Variants in PHOX2B observed in about 807,000 individuals in gnomAD.
PHOX2B encodes the protein paired like homeobox 2B.
Under a neutral mutation model 15.5 loss-of-function variants are expected in PHOX2B, and 1 was observed. The observed-to-expected ratio is 0.06, with a 90% CI of 0.02 to 0.31. The LOEUF is 0.31. Ranked by LOEUF, PHOX2B falls within the 10% of genes least tolerant of loss-of-function variation. The pLI is 1.00. For synonymous variants in PHOX2B, 206 were observed against 190.5 expected (o/e 1.08, Z -0.67); for missense variants, 314 against 436.4 (o/e 0.72, Z 2.50).
chr4:41,746,418 G>C, intron 2 of PHOX2B, 96 bp from the exon 3 acceptor site: 1 of 1,297,504 alleles, frequency 7.7e-7, no homozygotes, highest in Non-Finnish European at 1.1e-6. Flanking sequence ...TTCTACTTCG[G>C]CTTGTTTTAA....
In PHOX2B at chr4:41,746,011, G is replaced by GGCC. The variant is rs1733881439; in HGVS notation, c.738_740dup (p.Ala260dup). 1.5e-5 allele frequency: 17 copies of GGCC among 1,119,710 alleles called. No individual in the cohort carries two copies. Among genetic ancestry groups the GGCC allele is most frequent in the Non-Finnish European group, 1.9e-5 (17 of 916,540 alleles). The allele number at this position is 1,119,710 out of a possible 1,614,324, so 69.4% of individuals were successfully genotyped here. A position where few individuals can be genotyped will look rare whatever the true frequency, so the allele number is the denominator to read the frequency against. ...CCGCTGCCGCCGCCGCCGCTGCCGC[G>GGCC]GCCGCCGCCGCTGCTGCTGCGCCGC... is the stretch of plus-strand genomic sequence containing the variant. On this transcript the variant is annotated inframe_insertion, in exon 3 of 3. Coordinates refer to ENST00000226382, the MANE Select transcript of PHOX2B (RefSeq NM_003924.4).
rs764460184 is a variant in PHOX2B at position 41,747,696 on chromosome 4, A to C, written c.242-160T>G. On this transcript the variant is annotated intron_variant, in intron 1 of 2. Transcript: ENST00000226382. ...AGAAGCTGCGGGAAGAAACCGAGGA[A>C]ATTTGTTATCTGCGGAAACCTGGGC... is the stretch of plus-strand genomic sequence containing the variant. 75 of 721,338 alleles carry C rather than the reference A, an allele frequency of 1.0e-4. 2 individuals are homozygous for C. The South Asian group carries it at 1.1e-3, about 10-fold the overall frequency. 44.7% of individuals were successfully genotyped at this position (721,338 alleles called of 1,614,324 possible). A position where few individuals can be genotyped will look rare whatever the true frequency, so the allele number is the denominator to read the frequency against.
rs909684800 is a variant in PHOX2B at position 41,744,580 on chromosome 4, G to C, written c.*1227C>G. ...AAAACAACAACAAAGAATCAAAACA[G>C]AGATGTCTAAACTGCGCGAAGAATG... On this transcript the variant is annotated 3_prime_UTR_variant, in exon 3 of 3. Transcript: ENST00000226382. 5 of 233,442 alleles carry C rather than the reference G, an allele frequency of 2.1e-5. No individual in the cohort carries two copies. Among genetic ancestry groups the C allele is most frequent in the African/African-American group, 4.4e-5 (2 of 45,326 alleles). The allele number at this position is 233,442 out of a possible 1,614,324, so 14.5% of individuals were successfully genotyped here. A position where few individuals can be genotyped will look rare whatever the true frequency, so the allele number is the denominator to read the frequency against.
rs746684161 is a variant in PHOX2B, at chr4:41,746,091, C to T, written c.661G>A (p.Ala221Thr). Residue 221 changes from alanine (A) to threonine (T), a missense_variant, in exon 3 of 3, where the codon GCT (alanine) becomes ACT (threonine). By Grantham distance (58) the Ala-to-Thr change is moderately conservative. Coordinates refer to ENST00000226382, the MANE Select transcript of PHOX2B (RefSeq NM_003924.4). The stretch of plus-strand genomic sequence containing the variant: ...GGCCCCGCCGCCCCCGGAGCTCCAG[C>T]CGGGCTGGGCCCGCCGCCGCCGCCT... ...NGGGGGGPSPAGAPGAAGPGG... is the reference protein window; with the variant it reads ...NGGGGGGPSPTGAPGAAGPGG... 3.9e-6 allele frequency: 6 copies of T among 1,537,464 alleles called. No homozygotes were observed. The highest frequency in any genetic ancestry group is 1.4e-5 in the African/African-American group (1 of 70,296).
Position 41,748,663 on chromosome 4 carries a change from T to C in PHOX2B, c.-53A>G. 6.3e-7 allele frequency: 1 copy of C among 1,582,160 alleles called. No homozygotes were observed. Among genetic ancestry groups the C allele is most frequent in the Non-Finnish European group, 8.7e-7 (1 of 1,154,146 alleles). On this transcript the variant is annotated 5_prime_UTR_variant, in exon 1 of 3. It adds an upstream start codon to the 5' untranslated region. Transcript: ENST00000226382. ...GTGGAAAAATGAAATAAAAGATGGA[T>C]ATGGAGAAGGTGGCTGGAGTGGGGA... is the stretch of plus-strand genomic sequence containing the variant.
rs553814892 is a variant in PHOX2B at position 41,745,027 on chromosome 4, G to T, written c.*780C>A. The T allele has an allele frequency of 1.2e-3, 279 of 233,180 alleles. 3 individuals are homozygous for T. Among genetic ancestry groups the T allele is most frequent in the African/African-American group, 5.6e-3 (256 of 45,424 alleles). The allele number at this position is 233,180 out of a possible 1,614,324, so 14.4% of individuals were successfully genotyped here. A position where few individuals can be genotyped will look rare whatever the true frequency, so the allele number is the denominator to read the frequency against. On this transcript the variant is annotated 3_prime_UTR_variant, in exon 3 of 3. Transcript: ENST00000226382. This position sits in a 1 kb window ranked among gnomAD's most constrained non-coding sequence, Gnocchi z 4.0. ...GTTCAGCGAGGTGGGACAGGCAAGGGGGTGCGAGAAAGTCACTCCGGCCGC... is the reference window on the plus strand; with the variant it reads ...GTTCAGCGAGGTGGGACAGGCAAGGTGGTGCGAGAAAGTCACTCCGGCCGC...
At position 41,747,406 on chromosome 4, in the gene PHOX2B, G is replaced by A. The variant is rs1306847753; in HGVS notation, c.372C>T (p.Asp124=). 2 of 1,476,820 alleles carry A rather than the reference G, an allele frequency of 1.4e-6. No individual in the cohort carries two copies. The highest frequency in any genetic ancestry group is 1.8e-6 in the Non-Finnish European group (2 of 1,111,344). 91.5% of individuals were successfully genotyped at this position (1,476,820 alleles called of 1,614,324 possible). ...GGGCCAGCTCCTCCCGAGTGTAGAT[G>A]TCGGGGTAGTGAGTCTCCGCGAAGA... ...ERVFAETHYP[D]IYTREELALK... The change falls in exon 2 of 3, where the codon GAC becomes GAT. Residue 124 remains aspartate (D), a synonymous_variant. Coordinates refer to ENST00000226382, the MANE Select transcript of PHOX2B (RefSeq NM_003924.4).
intron 1 of PHOX2B, 188 bp downstream of exon 1, chr4:41,748,182 G>A: frequency 1.5e-6 from 1 of 648,232 alleles, no homozygotes; most frequent in South Asian, 1.9e-5. Context: ...GTGTGACTAG[G>A]ATAGTGTAAC....
rs772835924 is a variant in PHOX2B at position 41,745,981 on chromosome 4, C to A, written c.771G>T (p.Ala257=). The part of the protein sequence containing the change: ...AAAAAAAAAA[A]AAAGGLAAAG... ...CCGCAGCCAGGCCTCCAGCTGCCGC[C>A]GCTGCCGCTGCCGCCGCCGCCGCTG... The change falls in exon 3 of 3, where the codon GCG becomes GCT. Residue 257 remains alanine, a synonymous_variant. Transcript: ENST00000226382. The surrounding 1 kb of genome is among the most constrained non-coding windows in gnomAD (Gnocchi z 4.0). 1 of 1,257,360 alleles carries A rather than the reference C, an allele frequency of 8.0e-7. No homozygotes were observed. Among genetic ancestry groups the A allele is most frequent in the Non-Finnish European group, 1.0e-6 (1 of 1,004,194 alleles). The allele number at this position is 1,257,360 out of a possible 1,614,324, so 77.9% of individuals were successfully genotyped here.
chr4:41,748,533 C>T lies in PHOX2B; in HGVS notation c.78G>A (p.Leu26=), dbSNP rs746854983. The change falls in exon 1 of 3, where the codon CTG becomes CTA. Residue 26 remains leucine (L), a synonymous_variant. Transcript: ENST00000226382. ...AACTGAAGTCAGCATAGGCTGAAGC[C>T]AGGCTCGAGGTGTCCATCCCAGCCA... ...SCMAGMDTSS[L]ASAYADFSSC... 2.5e-6 allele frequency: 4 copies of T among 1,614,054 alleles called. No individual in the cohort carries two copies. The African/African-American group carries it at 5.3e-5, about 22-fold the overall frequency.
chr4:41,747,341 G>A lies in PHOX2B; in HGVS notation c.429+8C>T. ...GGCGGAGCGGGGTCGGTTTCCAGGC[G>A]CGCGTACCTGGACTCGCGCCTCTGT... On this transcript the variant is annotated splice_region_variant and intron_variant, in intron 2 of 2. Coordinates refer to ENST00000226382, the MANE Select transcript of PHOX2B (RefSeq NM_003924.4). 1 of 1,602,710 alleles carries A rather than the reference G, an allele frequency of 6.2e-7. No homozygotes were observed. Among genetic ancestry groups the A allele is most frequent in the South Asian group, 1.1e-5 (1 of 91,022 alleles).
At chr4:41,747,647 C>T in intron 1 of PHOX2B, 111 bp from the exon 2 acceptor site, 2 of 882,098 alleles carry the variant, frequency 2.3e-6, no homozygotes, top group East Asian at 2.4e-5. Flanking sequence ...CCGCTACCTA[C>T]ACCCGCGCGA....
Position 41,748,527 on chromosome 4 carries a change from T to C in PHOX2B, c.84A>G (p.Ser28=), listed in dbSNP as rs2153113066. 2 of 1,614,168 alleles carry C rather than the reference T, an allele frequency of 1.2e-6. No homozygotes were observed. The highest frequency in any genetic ancestry group is 1.7e-5 in the Admixed American group (1 of 60,028). Residue 28 remains serine (S), a synonymous_variant, in exon 1 of 3, where the codon TCA becomes TCG. Coordinates refer to ENST00000226382, the MANE Select transcript of PHOX2B (RefSeq NM_003924.4). ...TGCAGGAACTGAAGTCAGCATAGGC[T>C]GAAGCCAGGCTCGAGGTGTCCATCC... ...MAGMDTSSLA[S]AYADFSSCSQ...
chr4:41,748,360 A>G lies in PHOX2B; in HGVS notation c.241+10T>C. 6.2e-7 allele frequency: 1 copy of G among 1,614,070 alleles called. No homozygotes were observed. The highest frequency in any genetic ancestry group is 8.5e-7 in the Non-Finnish European group (1 of 1,179,994). On this transcript the variant is annotated intron_variant, in intron 1 of 2. Coordinates refer to ENST00000226382, the MANE Select transcript of PHOX2B (RefSeq NM_003924.4). Reference sequence around the variant, plus strand: ...CGGCTTCCTCCGCTGAGAAAGCTGAAGGTCCTTACCTGCGGCGTACGGACT... The same window carrying G: ...CGGCTTCCTCCGCTGAGAAAGCTGAGGGTCCTTACCTGCGGCGTACGGACT...
At position 41,745,014 on chromosome 4, in the gene PHOX2B, G is replaced by C; in HGVS notation, c.*793C>G. The C allele has an allele frequency of 4.3e-6, 1 of 233,236 alleles. No homozygotes were observed. Among genetic ancestry groups the C allele is most frequent in the Non-Finnish European group, 8.5e-6 (1 of 118,098 alleles). The allele number at this position is 233,236 out of a possible 1,614,324, so 14.4% of individuals were successfully genotyped here. A position where few individuals can be genotyped will look rare whatever the true frequency, so the allele number is the denominator to read the frequency against. On this transcript the variant is annotated 3_prime_UTR_variant, in exon 3 of 3. Coordinates refer to ENST00000226382, the MANE Select transcript of PHOX2B (RefSeq NM_003924.4). This position sits in a 1 kb window ranked among gnomAD's most constrained non-coding sequence, Gnocchi z 4.0. The stretch of plus-strand genomic sequence containing the variant: ...ATGGCGGGATGGTGTTCAGCGAGGT[G>C]GGACAGGCAAGGGGGTGCGAGAAAG...
Position 41,747,508 on chromosome 4 carries a change from G to T in PHOX2B, c.270C>A (p.Gly90=). 1 of 1,609,286 alleles carries T rather than the reference G, an allele frequency of 6.2e-7. No homozygotes were observed. Residue 90 remains glycine (G), a synonymous_variant, in exon 2 of 3, where the codon GGC becomes GGA. Coordinates refer to ENST00000226382, the MANE Select transcript of PHOX2B (RefSeq NM_003924.4). ...GCTGCTTGCGCTTCTCGTTGAGGCC[G>T]CCGTGGTCCGTGAAGAGTTTGTAAG... The part of the protein sequence containing the change: ...AVPYKLFTDH[G]GLNEKRKQRR...
chr4:41,745,759 C>A lies in PHOX2B; in HGVS notation c.*48G>T. ...GCTCGCCCACTCGCCCGCCCGGGCC[C>A]TGGCTCGCCCGCTGTCGCCGCCGCC... On this transcript the variant is annotated 3_prime_UTR_variant, in exon 3 of 3. Transcript: ENST00000226382. The surrounding 1 kb of genome is among the most constrained non-coding windows in gnomAD (Gnocchi z 4.0). The A allele has an allele frequency of 6.4e-7, 1 of 1,574,800 alleles. No homozygotes were observed. Among genetic ancestry groups the A allele is most frequent in the Non-Finnish European group, 8.6e-7 (1 of 1,162,362 alleles).
At position 41,746,272 on chromosome 4, in the gene PHOX2B, C is replaced by G. The variant is rs752437432; in HGVS notation, c.480G>C (p.Ala160=). Residue 160 remains alanine, a synonymous_variant, in exon 3 of 3, where the codon GCG becomes GCC. Transcript: ENST00000226382. The part of the protein sequence containing the change: ...RAKFRKQERA[A]AAAAAAAKNG... ...TCTTGGCCGCGGCCGCTGCGGCTGC[C>G]GCTGCGCGCTCCTGCTTGCGAAACT... The G allele has an allele frequency of 1.4e-5, 23 of 1,613,772 alleles. No individual in the cohort carries two copies. The highest frequency in any genetic ancestry group is 6.7e-5 in the Admixed American group (4 of 59,992).
rs1262122327 is a variant in PHOX2B, at chr4:41,748,449, C to T, written c.162G>A (p.Thr54=). Residue 54 remains threonine, a synonymous_variant, in exon 1 of 3, where the codon ACG becomes ACA. Transcript: ENST00000226382. ...CCGGCGTGAGGGAAGGGCAGCCGGA[C>T]GTGGCCCCAAAAGTGGTCCTTATCG... ...YNPIRTTFGA[T]SGCPSLTPGS... The T allele has an allele frequency of 3.7e-6, 6 of 1,614,074 alleles. No homozygotes were observed. Among genetic ancestry groups the T allele is most frequent in the Non-Finnish European group, 5.1e-6 (6 of 1,179,972 alleles).
Sources: allele counts gnomAD v4.1 joint callset, GRCh38; gene constraint gnomAD v4.1.1; non-coding constraint Gnocchi (gnomAD v3.1); transcripts MANE v1.5; gene names NCBI Gene and HGNC (gene_info 2026-07-23, HGNC 2026-07-21).